Variants in ZFAND6 observed in about 807,000 individuals in gnomAD.
The protein encoded by ZFAND6 is zinc finger AN1-type containing 6, also known as AN1-type zinc finger protein 6.
In ZFAND6, 12 loss-of-function variants were observed where a neutral mutation model predicts 24.5. That is an observed-to-expected ratio of 0.49 (90% confidence interval 0.31 to 0.79). ZFAND6 has a LOEUF of 0.79. ZFAND6 is among the 30% of genes least tolerant of loss of function. ZFAND6 has a pLI of 0.04. For synonymous variants in ZFAND6, 92 were observed against 81.5 expected (o/e 1.13, Z -0.69); for missense variants, 207 against 245.9 (o/e 0.84, Z 1.06).
At chr15:80,129,868 T>C (rs1252573742) in intron 5 of ZFAND6, 1 of 151,886 alleles carries the variant, frequency 6.6e-6, no homozygotes, top group Non-Finnish European at 1.5e-5. Context: ...ATAGAAAGAG[T>C]ATTTTGTATG....
At chr15:80,105,062 T>C (rs2039247206) in intron 2 of ZFAND6, among the ~76,000 whole-genome samples, 2 of 152,206 alleles carry the variant, frequency 1.3e-5, no homozygotes, top group South Asian at 4.1e-4. Context: ...AACACAGATT[T>C]TGTGATGTGG....
intron 2 of ZFAND6, among the ~76,000 whole-genome samples, chr15:80,120,011 G>A (rs1331151204): frequency 6.6e-6 from 1 of 152,174 alleles, no homozygotes; most frequent in Non-Finnish European, 1.5e-5. Context: ...GGTCCAAACT[G>A]AGCTAGACTT....
At chr15:80,070,227 C>A (rs914033639) in intron 1 of ZFAND6, among the ~76,000 whole-genome samples, 1 of 152,130 alleles carries the variant, frequency 6.6e-6, no homozygotes, top group Non-Finnish European at 1.5e-5. Flanking sequence ...CCAAATTGTT[C>A]AGTGGCTTGT....
chr15:80,102,417 G>A (rs2039085868), intron 2 of ZFAND6, among the ~76,000 whole-genome samples: 1 of 152,134 alleles, frequency 6.6e-6, no homozygotes, highest in South Asian at 2.1e-4. Context: ...GCCCAGCCTT[G>A]CAGTTACTTT....
chr15:80,067,065 A>T (rs539408596), intron 1 of ZFAND6, among the ~76,000 whole-genome samples: 308 of 152,296 alleles, frequency 2.0e-3, no homozygotes, highest in African/African-American at 7.1e-3. Flanking sequence ...TGCTGGCACA[A>T]ATGGTACATA....
At chr15:80,093,090 G>C in intron 1 of ZFAND6, among the ~76,000 whole-genome samples, 1 of 151,808 alleles carries the variant, frequency 6.6e-6, no homozygotes, top group Non-Finnish European at 1.5e-5. Flanking sequence ...GAGTAGCTGG[G>C]ATTACAGATG....
At chr15:80,108,873 G>A (rs1351408080) in intron 2 of ZFAND6, among the ~76,000 whole-genome samples, 1 of 151,928 alleles carries the variant, frequency 6.6e-6, no homozygotes, top group Admixed American at 6.6e-5. Flanking sequence ...GATTACAGAC[G>A]CCTGCCACCA....
At chr15:80,136,944 C>T (rs1199374783) in intron 6 of ZFAND6, among the ~76,000 whole-genome samples, 1 of 152,124 alleles carries the variant, frequency 6.6e-6, no homozygotes, top group Non-Finnish European at 1.5e-5. Context: ...GCTAATTTGC[C>T]TTCATTAGTA....
chr15:80,079,505 C>G (rs140091030), intron 1 of ZFAND6, among the ~76,000 whole-genome samples: 7,850 of 151,890 alleles, frequency 0.052, 235 homozygotes, highest in African/African-American at 0.059. Flanking sequence ...CAGGCGTGAG[C>G]CACCGCACCC....
At chr15:80,133,244 G>A (rs1012136877) in intron 6 of ZFAND6, among the ~76,000 whole-genome samples, 1 of 151,334 alleles carries the variant, frequency 6.6e-6, no homozygotes. Context: ...CCAGACTGGA[G>A]TACAGTGGCA....
intron 5 of ZFAND6, among the ~76,000 whole-genome samples, chr15:80,123,272 A>G (rs2040227259): frequency 1.3e-5 from 2 of 152,156 alleles, no homozygotes; most frequent in Non-Finnish European, 2.9e-5. Context: ...ACAGCATGGT[A>G]TCTATCGTGT....
At chr15:80,108,993 G>A (rs996126021) in intron 2 of ZFAND6, among the ~76,000 whole-genome samples, 1 of 152,150 alleles carries the variant, frequency 6.6e-6, no homozygotes. Context: ...CTCCCAAAGT[G>A]CTGGGATTAC....
Position 80,137,758 on chromosome 15 carries a change from T to G in ZFAND6, c.*130T>G. ...TCATCGGAAGAATAGATTTTTGTTT[T>G]GGTTTTGTTTTGAAAATGACTCTGA... is the stretch of plus-strand genomic sequence containing the variant. On this transcript the variant is annotated 3_prime_UTR_variant, in exon 7 of 7. Coordinates refer to ENST00000261749, the MANE Select transcript of ZFAND6 (RefSeq NM_019006.4). The G allele has an allele frequency of 9.4e-7, 1 of 1,065,462 alleles. No individual in the cohort carries two copies. The highest frequency in any genetic ancestry group is 1.7e-5 in the African/African-American group (1 of 60,546). The allele number at this position is 1,065,462 out of a possible 1,614,324, so 66.0% of individuals were successfully genotyped here. A position where few individuals can be genotyped will look rare whatever the true frequency, so the allele number is the denominator to read the frequency against.
At chr15:80,124,586 A>G (rs987774087) in intron 5 of ZFAND6, among the ~76,000 whole-genome samples, 2 of 152,244 alleles carry the variant, frequency 1.3e-5, no homozygotes, top group Non-Finnish European at 2.9e-5. Context: ...TTATTTATAA[A>G]AGTGTTTTTA....
intron 1 of ZFAND6, among the ~76,000 whole-genome samples, chr15:80,089,291 G>C (rs1316217921): frequency 9.8e-6 from 1 of 102,530 alleles, no homozygotes; most frequent in Non-Finnish European, 1.8e-5. Context: ...TTTTGAGACA[G>C]AGTCTCTGTC....
chr15:80,080,845 G>A (rs181860428), intron 1 of ZFAND6, among the ~76,000 whole-genome samples: 36 of 152,268 alleles, frequency 2.4e-4, no homozygotes, highest in African/African-American at 7.9e-4. Context: ...GTGCGGAGAG[G>A]TACCACACAC....
At chr15:80,129,835 A>G (rs2040517859) in intron 5 of ZFAND6, 1 of 152,238 alleles carries the variant, frequency 6.6e-6, no homozygotes, top group Admixed American at 6.5e-5. Flanking sequence ...AGTTAGCCTG[A>G]TAAAAAGAGG....
rs77659651 is a variant in ZFAND6, at chr15:80,084,917, C to G, written c.-180-13499C>G. Among the ~76,000 whole-genome samples the G allele has an allele frequency of 0.02, 3,102 of 152,312 alleles. 227 individuals are homozygous for G. In the East Asian group the frequency reaches 0.22, roughly 11 times the overall value. ...AGAATTTTTAAGTCGGTTAATCCTGCCATGCCCCCTTGGTTCCTATACCAA... is the reference window on the plus strand; with the variant it reads ...AGAATTTTTAAGTCGGTTAATCCTGGCATGCCCCCTTGGTTCCTATACCAA... On this transcript the variant is annotated intron_variant, in intron 1 of 6. Transcript: ENST00000261749.
At chr15:80,130,864 A>G (rs1483851967) in intron 5 of ZFAND6, 1 of 257,988 alleles carries the variant, frequency 3.9e-6, no homozygotes, top group African/African-American at 2.2e-5. Context: ...TTCAAGTAGT[A>G]TTTGTTTATG....
Sources: allele counts gnomAD v4.1 joint callset (sites outside exome capture counted in the v4.1 genomes callset), GRCh38; gene constraint gnomAD v4.1.1; transcripts MANE v1.5; gene names NCBI Gene and HGNC (gene_info 2026-07-23, HGNC 2026-07-21).